Variants in NEURL1 observed in about 807,000 individuals in gnomAD.
The protein encoded by NEURL1 is neuralized E3 ubiquitin protein ligase 1.
Under a neutral mutation model 41.2 loss-of-function variants are expected in NEURL1, and 26 were observed. That is an observed-to-expected ratio of 0.63 (90% CI 0.46 to 0.87). The LOEUF is 0.87. Among genes scored for constraint, NEURL1 ranks in the 40% least tolerant of loss-of-function variants. The pLI is 0.00. For synonymous variants in NEURL1, 400 were observed against 402.3 expected (o/e 0.99, Z 0.07); for missense variants, 761 against 871.1 (o/e 0.87, Z 1.59).
At chr10:103,498,193 G>C (rs1487642706) in intron 1 of NEURL1, among the ~76,000 whole-genome samples, 1 of 152,224 alleles carries the variant, frequency 6.6e-6, no homozygotes, top group African/African-American at 2.4e-5. Context: ...TCCTTGCCCA[G>C]GTCTTTCTGA....
At chr10:103,528,494 C>A (rs2034506687) in intron 1 of NEURL1, among the ~76,000 whole-genome samples, 1 of 148,354 alleles carries the variant, frequency 6.7e-6, no homozygotes, top group African/African-American at 2.5e-5. Context: ...GAGGTAGTGC[C>A]ACTGCACTCC....
intron 1 of NEURL1, among the ~76,000 whole-genome samples, chr10:103,500,123 G>A (rs1592174383): frequency 6.6e-6 from 1 of 152,170 alleles, no homozygotes; most frequent in Non-Finnish European, 1.5e-5. Context: ...GACTGGCTGC[G>A]TCAGCCCCGT....
rs369644732 is a variant in NEURL1, at chr10:103,535,662, CTG to C, written c.86-35206_86-35205del. Among the ~76,000 whole-genome samples the C allele has an allele frequency of 3.2e-4, 49 of 152,218 alleles. No individual in the cohort carries two copies. In the Middle Eastern group the frequency reaches 0.01, roughly 32 times the overall value. ...GTGACTGTCCTGAGCAGCCAAGGTACTGTGTTTAGGAGGCAGGGTACCTAGGA... is the reference window on the plus strand; with the variant it reads ...GTGACTGTCCTGAGCAGCCAAGGTACTGTTTAGGAGGCAGGGTACCTAGGA... On this transcript the variant is annotated intron_variant, in intron 1 of 5. Coordinates refer to ENST00000369780, the MANE Select transcript of NEURL1 (RefSeq NM_004210.5).
chr10:103,499,490 CTTTTCTT>C lies in NEURL1; in HGVS notation c.85+5021_85+5027del, dbSNP rs1391408810. Among the ~76,000 whole-genome samples, 3 of 134,730 alleles carry C rather than the reference CTTTTCTT, an allele frequency of 2.2e-5. No homozygotes were observed. In the East Asian group the frequency reaches 7.6e-4, roughly 34 times the overall value. The allele number at this position is 134,730 out of a possible 152,430, so 88.4% of individuals were successfully genotyped here. A position where few individuals can be genotyped will look rare whatever the true frequency, so the allele number is the denominator to read the frequency against. ...CCTTCCTCCTTCCCTTCCTTCTTTT[CTTTTCTT>C]TTCTTTTCTTTCAGCTGGAGTGCAG... is the stretch of plus-strand genomic sequence containing the variant. On this transcript the variant is annotated intron_variant, in intron 1 of 5. Coordinates refer to ENST00000369780, the MANE Select transcript of NEURL1 (RefSeq NM_004210.5).
At chr10:103,584,437 C>A (rs1027233005) in intron 3 of NEURL1, 99 bp from the exon 4 acceptor site, 9 of 726,420 alleles carry the variant, frequency 1.2e-5, no homozygotes, top group Non-Finnish European at 1.5e-5. Flanking sequence ...ATTAGCCATC[C>A]GGGATTGTAA....
At chr10:103,548,738 C>T (rs56077057) in intron 1 of NEURL1, among the ~76,000 whole-genome samples, 8,459 of 152,242 alleles carry the variant, frequency 0.056, 401 homozygotes, top group African/African-American at 0.13. Flanking sequence ...GACTCTCAAG[C>T]GTTGCTGTTA....
chr10:103,533,753 G>T (rs528640935), intron 1 of NEURL1, among the ~76,000 whole-genome samples: 41 of 152,186 alleles, frequency 2.7e-4, no homozygotes, highest in Non-Finnish European at 5.0e-4. Flanking sequence ...AGCCAGGATG[G>T]TCTCGATCTG....
At chr10:103,537,543 A>G (rs1445736644) in intron 1 of NEURL1, among the ~76,000 whole-genome samples, 1 of 151,916 alleles carries the variant, frequency 6.6e-6, no homozygotes, top group Non-Finnish European at 1.5e-5. Context: ...ACAGGTGCAC[A>G]CCACCATGCC....
chr10:103,543,747 G>A (rs2034869397), intron 1 of NEURL1, among the ~76,000 whole-genome samples: 1 of 152,220 alleles, frequency 6.6e-6, no homozygotes, highest in Non-Finnish European at 1.5e-5. Context: ...GATGATCTCA[G>A]AGGAAAGGCT....
intron 1 of NEURL1, among the ~76,000 whole-genome samples, chr10:103,522,733 A>G (rs1490038188): frequency 6.6e-6 from 1 of 152,208 alleles, no homozygotes; most frequent in Non-Finnish European, 1.5e-5. Flanking sequence ...TATTTTCACC[A>G]AAACACACGA....
At position 103,545,360 on chromosome 10, in the gene NEURL1, T is replaced by A. The variant is rs1308137521; in HGVS notation, c.86-25512T>A. Reference sequence around the variant, plus strand: ...CAGGTCTTTAGGGACTAAAAGCCCCTGTTTGTGGGGCTATGAGATGTGAGG... The same window carrying A: ...CAGGTCTTTAGGGACTAAAAGCCCCAGTTTGTGGGGCTATGAGATGTGAGG... On this transcript the variant is annotated intron_variant, in intron 1 of 5. Coordinates refer to ENST00000369780, the MANE Select transcript of NEURL1 (RefSeq NM_004210.5). This position sits in a 1 kb window ranked among gnomAD's most constrained non-coding sequence, Gnocchi z 4.5. 6.6e-6 allele frequency among the ~76,000 whole-genome samples: 1 copy of A among 152,158 alleles called. No individual in the cohort carries two copies. Among genetic ancestry groups the A allele is most frequent in the African/African-American group, 2.4e-5 (1 of 41,432 alleles).
rs1359744732 is a variant in NEURL1, at chr10:103,590,194, A to G, written c.1547A>G (p.Gln516Arg). 2 of 1,614,050 alleles carry G rather than the reference A, an allele frequency of 1.2e-6. No individual in the cohort carries two copies. Among genetic ancestry groups the G allele is most frequent in the African/African-American group, 1.3e-5 (1 of 74,926 alleles). Residue 516 changes from glutamine to arginine, a missense_variant, in exon 6 of 6, where the codon CAG (glutamine) becomes CGG (arginine). By Grantham distance (43) the Gln-to-Arg change is conservative (BLOSUM62 1). This residue lies in a region of NEURL1 where 45 missense variants were observed against 89.9 expected (regional missense o/e 0.50). Transcript: ENST00000369780. ...TCGCCAGTGACCCCAGGTCTGGGCC[A>G]GTGGAGCGATGAGTGCACCATTTGC... Reference protein sequence around the residue: ...PESPVTPGLGQWSDECTICYE... With the variant: ...PESPVTPGLGRWSDECTICYE...
At chr10:103,586,467 A>T (rs1170928736) in intron 4 of NEURL1, among the ~76,000 whole-genome samples, 1 of 152,242 alleles carries the variant, frequency 6.6e-6, no homozygotes, top group Non-Finnish European at 1.5e-5. Context: ...TTTCTTTAGT[A>T]AGTATGCTTA....
chr10:103,497,777 A>G (rs1191700359), intron 1 of NEURL1, among the ~76,000 whole-genome samples: 1 of 151,860 alleles, frequency 6.6e-6, no homozygotes, highest in Non-Finnish European at 1.5e-5. Context: ...CTCAGAGATA[A>G]GACACCCCTG....
At chr10:103,497,555 CT>C in intron 1 of NEURL1, among the ~76,000 whole-genome samples, 1 of 152,168 alleles carries the variant, frequency 6.6e-6, no homozygotes, top group Non-Finnish European at 1.5e-5. Context: ...GGCTGTTAGG[CT>C]GACATGACAT....
chr10:103,543,246 C>T (rs1178754692), intron 1 of NEURL1, among the ~76,000 whole-genome samples: 1 of 152,220 alleles, frequency 6.6e-6, no homozygotes, highest in Admixed American at 6.5e-5. Context: ...GCTCTGCACT[C>T]TGGCTCCCCC....
chr10:103,548,719 G>A (rs113140681), intron 1 of NEURL1, among the ~76,000 whole-genome samples: 1 of 152,198 alleles, frequency 6.6e-6, no homozygotes, highest in Non-Finnish European at 1.5e-5. Context: ...GTGGATTCCC[G>A]AGTTCTCTGA....
chr10:103,588,869 C>T (rs2133887343), intron 4 of NEURL1: 2 of 444,246 alleles, frequency 4.5e-6, no homozygotes, highest in Middle Eastern at 1.4e-3. Context: ...TCTCTTGAAC[C>T]TGGGATGTGG....
chr10:103,520,358 A>G (rs1475703952), intron 1 of NEURL1, among the ~76,000 whole-genome samples: 1 of 152,078 alleles, frequency 6.6e-6, no homozygotes, highest in African/African-American at 2.4e-5. Context: ...TTGGGTGGGT[A>G]GTGGAAAATT....
Sources: allele counts gnomAD v4.1 joint callset (sites outside exome capture counted in the v4.1 genomes callset), GRCh38; gene constraint gnomAD v4.1.1; regional missense constraint gnomAD v4.1.1; non-coding constraint Gnocchi (gnomAD v3.1); transcripts MANE v1.5; gene names NCBI Gene and HGNC (gene_info 2026-07-23, HGNC 2026-07-21).